LRP1B: variants seen among roughly 807,000 people sequenced by gnomAD.
The protein encoded by LRP1B is LDL receptor related protein 1B.
In LRP1B, 217 loss-of-function variants were observed where a neutral mutation model predicts 556.6. The observed-to-expected ratio is 0.39, with a 90% CI of 0.35 to 0.44. LRP1B has a LOEUF of 0.44. Ranked by LOEUF, LRP1B falls within the 20% of genes least tolerant of loss-of-function variation. LRP1B has a pLI of 1.00. For synonymous variants in LRP1B, 2,047 were observed against 1,865.8 expected (o/e 1.10, Z -2.50); for missense variants, 5,053 against 5,620.8 (o/e 0.90, Z 3.23).
At position 140,289,301 on chromosome 2, in the gene LRP1B, G is replaced by T. The variant is rs563544548; in HGVS notation, c.12967+8507C>A. On this transcript the variant is annotated intron_variant, in intron 84 of 90. Coordinates refer to ENST00000389484, the MANE Select transcript of LRP1B (RefSeq NM_018557.3). ...TTTTTGACTATACAATTCGAAGTCC[G>T]CTTTATCTAACTTTTACTCTAAAAA... 2.0e-5 allele frequency among the ~76,000 whole-genome samples: 3 copies of T among 151,768 alleles called. No individual in the cohort carries two copies. The South Asian group carries it at 6.2e-4, about 31-fold the overall frequency.
At chr2:140,349,060 C>T (rs1353200412) in intron 77 of LRP1B, among the ~76,000 whole-genome samples, 1 of 152,016 alleles carries the variant, frequency 6.6e-6, no homozygotes, top group East Asian at 1.9e-4. Flanking sequence ...AATCTAATGC[C>T]ACCACTGCTC....
At chr2:141,908,470 C>A (rs1179457911) in intron 1 of LRP1B, among the ~76,000 whole-genome samples, 5 of 151,748 alleles carry the variant, frequency 3.3e-5, no homozygotes. Flanking sequence ...GAAAAAAAAA[C>A]AGAGAAAAAC....
At chr2:141,514,090 TG>T (rs1684222979) in intron 2 of LRP1B, among the ~76,000 whole-genome samples, 1 of 152,150 alleles carries the variant, frequency 6.6e-6, no homozygotes, top group Non-Finnish European at 1.5e-5. Context: ...AACTGCCCCC[TG>T]GTGACAACCT....
At chr2:141,677,000 G>C (rs1025557670) in intron 2 of LRP1B, among the ~76,000 whole-genome samples, 1 of 151,904 alleles carries the variant, frequency 6.6e-6, no homozygotes, top group African/African-American at 2.4e-5. Context: ...TAAAATAATT[G>C]CAAAATAACT....
In LRP1B at chr2:140,355,399, A is replaced by T. The variant is rs643312; in HGVS notation, c.11530+943T>A. ...CTAGGTTGTCATCTTTCAGTCTCAT[A>T]GTAATGGAACAATCAAATGTCACGA... On this transcript the variant is annotated intron_variant, in intron 75 of 90. Transcript: ENST00000389484. 3.3e-5 allele frequency among the ~76,000 whole-genome samples: 5 copies of T among 152,052 alleles called. No individual in the cohort carries two copies. The East Asian group carries it at 9.7e-4, about 29-fold the overall frequency.
intron 2 of LRP1B, among the ~76,000 whole-genome samples, chr2:141,694,659 A>G (rs1691669444): frequency 6.6e-6 from 1 of 151,886 alleles, no homozygotes; most frequent in African/African-American, 2.4e-5. Context: ...AAAAAAAAAA[A>G]GCACAATTTT....
chr2:141,462,793 C>T (rs1028995715), intron 3 of LRP1B, among the ~76,000 whole-genome samples: 1 of 148,244 alleles, frequency 6.7e-6, no homozygotes, highest in Non-Finnish European at 1.5e-5. Flanking sequence ...CTAGTAGTAA[C>T]CCGCTGCCCA....
intron 2 of LRP1B, among the ~76,000 whole-genome samples, chr2:141,687,806 G>A (rs1691367045): frequency 6.6e-6 from 1 of 151,834 alleles, no homozygotes; most frequent in African/African-American, 2.4e-5. Flanking sequence ...TCCATAGTAA[G>A]TCCTCTGGTT....
chr2:140,652,812 A>G (rs1684737443), intron 41 of LRP1B, among the ~76,000 whole-genome samples: 1 of 152,154 alleles, frequency 6.6e-6, no homozygotes, highest in Non-Finnish European at 1.5e-5. Flanking sequence ...GATAATGGAA[A>G]AAAATAGTTG....
intron 2 of LRP1B, among the ~76,000 whole-genome samples, chr2:141,760,855 A>G (rs1370507024): frequency 6.6e-6 from 1 of 152,160 alleles, no homozygotes; most frequent in Non-Finnish European, 1.5e-5. Context: ...TTTACACACC[A>G]TTTATCACAT....
intron 66 of LRP1B, among the ~76,000 whole-genome samples, chr2:140,436,134 A>G (rs1344226520): frequency 3.3e-5 from 5 of 152,214 alleles, no homozygotes; most frequent in Non-Finnish European, 7.4e-5. Flanking sequence ...ATTTTACCAT[A>G]AAATGTAGTG....
At chr2:141,253,248 T>C (rs1573715402) in intron 4 of LRP1B, among the ~76,000 whole-genome samples, 1 of 152,170 alleles carries the variant, frequency 6.6e-6, no homozygotes, top group African/African-American at 2.4e-5. Flanking sequence ...CATCTACCGT[T>C]GCCCTTATTT....
At chr2:140,262,399 AC>A (rs1209141407) in intron 86 of LRP1B, among the ~76,000 whole-genome samples, 45 of 152,190 alleles carry the variant, frequency 3.0e-4, no homozygotes, top group Non-Finnish European at 1.5e-5. Context: ...TTTTATATGT[AC>A]ATACTAGTAT....
chr2:141,080,531 T>A (rs962542614), intron 7 of LRP1B, among the ~76,000 whole-genome samples: 12 of 152,240 alleles, frequency 7.9e-5, no homozygotes, highest in African/African-American at 2.4e-4. Flanking sequence ...ACAAACGTGG[T>A]AGCATATGCA....
intron 7 of LRP1B, among the ~76,000 whole-genome samples, chr2:141,103,765 G>A (rs1183053875): frequency 6.7e-6 from 1 of 148,836 alleles, no homozygotes; most frequent in Non-Finnish European, 1.5e-5. Flanking sequence ...CAATACAAAA[G>A]GCCTATATAA....
intron 2 of LRP1B, among the ~76,000 whole-genome samples, chr2:141,604,368 T>C (rs1278507520): frequency 5.2e-4 from 79 of 152,188 alleles, no homozygotes; most frequent in Non-Finnish European, 1.6e-4. Context: ...TAATTTAAGA[T>C]AAGCACGGTA....
In LRP1B at chr2:141,197,562, A is replaced by G. The variant is rs963322446; in HGVS notation, c.851-8979T>C. ...TGATATAAATACTTGTTTCATCTGC[A>G]GTGTTTCATGGAAGGTCACCAGAAC... On this transcript the variant is annotated intron_variant, in intron 6 of 90. Transcript: ENST00000389484. Among the ~76,000 whole-genome samples, 5 of 152,206 alleles carry G rather than the reference A, an allele frequency of 3.3e-5. No individual in the cohort carries two copies. In the South Asian group the frequency reaches 1.0e-3, roughly 32 times the overall value.
At chr2:141,260,150 A>G (rs531266569) in intron 3 of LRP1B, among the ~76,000 whole-genome samples, 1 of 152,246 alleles carries the variant, frequency 6.6e-6, no homozygotes, top group African/African-American at 2.4e-5. Context: ...TTTTCACCTG[A>G]AAGCAAAATC....
chr2:142,000,207 C>T (rs1001154611), intron 1 of LRP1B, among the ~76,000 whole-genome samples: 1 of 152,078 alleles, frequency 6.6e-6, no homozygotes, highest in Non-Finnish European at 1.5e-5. Flanking sequence ...AATGAAGGCA[C>T]AAACTCATGG....
Sources: gnomAD v4.1 joint callset for allele counts (sites outside exome capture counted in the v4.1 genomes callset) on GRCh38, gnomAD v4.1.1 for gene constraint, MANE v1.5 for transcripts, NCBI Gene and HGNC (gene_info 2026-07-23, HGNC 2026-07-21) for gene names.